Variants in THSD7A observed in about 807,000 individuals in gnomAD.
THSD7A encodes the protein thrombospondin type-1 domain-containing protein 7A.
In THSD7A, 96 loss-of-function variants were observed where a neutral mutation model predicts 231.3. That is an observed-to-expected ratio of 0.41 (90% confidence interval 0.35 to 0.49). THSD7A has a LOEUF of 0.49. THSD7A is among the 20% of genes least tolerant of loss of function. The probability of loss-of-function intolerance (pLI) is 0.05; values close to 1 mark genes in which losing one functional copy is unlikely to be tolerated. For missense variants in THSD7A, 2,290 were observed against 2,070.2 expected (o/e 1.11, Z -2.06); for synonymous variants, 940 against 743.3 (o/e 1.26, Z -4.30).
At chr7:11,435,127 T>C (rs372770289) in intron 13 of THSD7A, among the ~76,000 whole-genome samples, 1 of 152,024 alleles carries the variant, frequency 6.6e-6, no homozygotes, top group South Asian at 2.1e-4. Context: ...GGTTTTGTTA[T>C]TGTTATTTTA....
At position 11,814,510 on chromosome 7, in the gene THSD7A, T is replaced by C. The variant is rs370184472; in HGVS notation, c.190+17247A>G. The stretch of plus-strand genomic sequence containing the variant: ...ATGATCTTGAAAGCTCTGAAAACTT[T>C]CATCATGATTTGGGAAATCATGACT... On this transcript the variant is annotated intron_variant, in intron 1 of 27. Transcript: ENST00000423059. This position sits in a 1 kb window ranked among gnomAD's most constrained non-coding sequence, Gnocchi z 5.1. 2.4e-3 allele frequency among the ~76,000 whole-genome samples: 373 copies of C among 152,306 alleles called. 21 individuals are homozygous for C. In the South Asian group the frequency reaches 0.075, roughly 31 times the overall value.
At chr7:11,442,729 T>A (rs957577883) in intron 13 of THSD7A, among the ~76,000 whole-genome samples, 3 of 152,058 alleles carry the variant, frequency 2.0e-5, no homozygotes, top group Non-Finnish European at 4.4e-5. Flanking sequence ...GACTTTACTT[T>A]GAGTAATTAT....
In THSD7A at chr7:11,783,000, T is replaced by C. The variant is rs200929667; in HGVS notation, c.190+48757A>G. ...GCAGACTCTGCTACAATGATTTGAG[T>C]GTGCGAACCATATTTTCTGGTGAAG... is the stretch of plus-strand genomic sequence containing the variant. On this transcript the variant is annotated intron_variant, in intron 1 of 27. Transcript: ENST00000423059. Among the ~76,000 whole-genome samples, 14 of 152,212 alleles carry C rather than the reference T, an allele frequency of 9.2e-5. No individual in the cohort carries two copies. In the East Asian group the frequency reaches 2.3e-3, roughly 25 times the overall value.
At position 11,374,896 on chromosome 7, in the gene THSD7A, T is replaced by G. The variant is rs552024879; in HGVS notation, c.*898A>C. 1 of 152,228 alleles carries G rather than the reference T, an allele frequency of 6.6e-6. No individual in the cohort carries two copies. Among genetic ancestry groups the G allele is most frequent in the Admixed American group, 6.6e-5 (1 of 15,256 alleles). 9.4% of individuals were successfully genotyped at this position (152,228 alleles called of 1,614,324 possible). On this transcript the variant is annotated 3_prime_UTR_variant, in exon 28 of 28. Coordinates refer to ENST00000423059, the MANE Select transcript of THSD7A (RefSeq NM_015204.3). The stretch of plus-strand genomic sequence containing the variant: ...ATACAAGAACTTGCAAATGTCTTCA[T>G]GCCACTCTTGGCACAGATGTCTTCA...
At chr7:11,572,380 A>C (rs1041786386) in intron 4 of THSD7A, among the ~76,000 whole-genome samples, 1 of 152,236 alleles carries the variant, frequency 6.6e-6, no homozygotes, top group South Asian at 2.1e-4. Flanking sequence ...AAGCCCACTC[A>C]GTGAGTTTTT....
At chr7:11,731,969 A>G (rs1781751453) in intron 1 of THSD7A, among the ~76,000 whole-genome samples, 1 of 151,702 alleles carries the variant, frequency 6.6e-6, no homozygotes, top group East Asian at 1.9e-4. Context: ...TGTTTATGAC[A>G]TGTTGCTATG....
intron 1 of THSD7A, among the ~76,000 whole-genome samples, chr7:11,822,540 T>A (rs893505970): frequency 6.6e-6 from 1 of 151,966 alleles, no homozygotes; most frequent in Non-Finnish European, 1.5e-5. Context: ...ATATATTGAC[T>A]TTTTTTTCCT....
At chr7:11,640,353 T>C (rs936161815) in intron 1 of THSD7A, among the ~76,000 whole-genome samples, 2 of 152,186 alleles carry the variant, frequency 1.3e-5, no homozygotes, top group Non-Finnish European at 2.9e-5. Flanking sequence ...TAATTGTGGA[T>C]AAAGACAAAA....
chr7:11,475,514 G>C (rs1767027786), intron 7 of THSD7A, among the ~76,000 whole-genome samples: 1 of 151,086 alleles, frequency 6.6e-6, no homozygotes, highest in African/African-American at 2.4e-5. Flanking sequence ...GTGGGAGAAT[G>C]GGGAAGTGAT....
At chr7:11,519,017 A>T (rs1355200692) in intron 6 of THSD7A, among the ~76,000 whole-genome samples, 1 of 152,228 alleles carries the variant, frequency 6.6e-6, no homozygotes, top group Admixed American at 6.5e-5. Flanking sequence ...GAGGATAAAT[A>T]ACTTATGGGC....
intron 4 of THSD7A, among the ~76,000 whole-genome samples, chr7:11,578,775 AG>A (rs1791029560): frequency 6.6e-6 from 1 of 152,214 alleles, no homozygotes; most frequent in Non-Finnish European, 1.5e-5. Flanking sequence ...ATAGAGGAAA[AG>A]CAAAAGAAAA....
chr7:11,803,269 T>C (rs1057363137), intron 1 of THSD7A, among the ~76,000 whole-genome samples: 12 of 152,142 alleles, frequency 7.9e-5, no homozygotes, highest in African/African-American at 2.9e-4. Flanking sequence ...ATTAGGACTT[T>C]TGATCAATAT....
At chr7:11,611,329 T>C (rs1182214188) in intron 2 of THSD7A, among the ~76,000 whole-genome samples, 1 of 151,994 alleles carries the variant, frequency 6.6e-6, no homozygotes, top group Non-Finnish European at 1.5e-5. Flanking sequence ...GAAGGGAAGA[T>C]CTATTACAAT....
At chr7:11,810,995 A>G (rs1171192634) in intron 1 of THSD7A, among the ~76,000 whole-genome samples, 2 of 152,214 alleles carry the variant, frequency 1.3e-5, no homozygotes, top group East Asian at 3.8e-4. Flanking sequence ...TTACAGCAAT[A>G]CATTTTTATT....
intron 1 of THSD7A, among the ~76,000 whole-genome samples, chr7:11,695,676 G>C (rs372725749): frequency 1.3e-5 from 2 of 151,526 alleles, no homozygotes; most frequent in East Asian, 3.9e-4. Context: ...AAAACTAAAC[G>C]GAGTAATTGG....
intron 1 of THSD7A, among the ~76,000 whole-genome samples, chr7:11,813,690 G>A (rs1022763761): frequency 6.6e-6 from 1 of 150,724 alleles, no homozygotes; most frequent in Non-Finnish European, 1.5e-5. Context: ...TCTAGCCTGG[G>A]CGACAGAGCA....
intron 1 of THSD7A, among the ~76,000 whole-genome samples, chr7:11,697,760 C>T (rs375841079): frequency 1.3e-5 from 2 of 151,342 alleles, no homozygotes; most frequent in African/African-American, 4.8e-5. Context: ...GATCTACGTG[C>T]AGAAAATGCA....
At chr7:11,564,935 T>C (rs1410732907) in intron 4 of THSD7A, among the ~76,000 whole-genome samples, 1 of 152,226 alleles carries the variant, frequency 6.6e-6, no homozygotes, top group Non-Finnish European at 1.5e-5. Context: ...TTCATCATTG[T>C]TAGAATTTAA....
chr7:11,518,255 G>A (rs1413098649), intron 6 of THSD7A, among the ~76,000 whole-genome samples: 1 of 152,166 alleles, frequency 6.6e-6, no homozygotes, highest in Non-Finnish European at 1.5e-5. Context: ...AAGCACCAGA[G>A]ATGCTACAAT....
Sources: allele counts gnomAD v4.1 joint callset (sites outside exome capture counted in the v4.1 genomes callset), GRCh38; gene constraint gnomAD v4.1.1; non-coding constraint Gnocchi (gnomAD v3.1); transcripts MANE v1.5; gene names NCBI Gene and HGNC (gene_info 2026-07-23, HGNC 2026-07-21).